The following BAZ1B variants were observed in gnomAD, a reference collection of about 807,000 sequenced individuals.
BAZ1B encodes the protein tyrosine-protein kinase BAZ1B.
A neutral mutation model predicts 153.8 loss-of-function variants in BAZ1B; 22 were observed. The observed-to-expected ratio is 0.14, with a 90% CI of 0.10 to 0.20. The LOEUF is 0.20. Ranked by LOEUF, BAZ1B falls within the 10% of genes least tolerant of loss-of-function variation. BAZ1B has a pLI of 1.00. For missense variants in BAZ1B, 1,325 were observed against 1,799.3 expected (o/e 0.74, Z 4.77); for synonymous variants, 676 against 633.4 (o/e 1.07, Z -1.01).
At chr7:73,503,589 G>A (rs1242565604) in intron 3 of BAZ1B, among the ~76,000 whole-genome samples, 1 of 152,054 alleles carries the variant, frequency 6.6e-6, no homozygotes, top group African/African-American at 2.4e-5. Context: ...TGCCCAGGCT[G>A]GTCTCAAACT....
intron 7 of BAZ1B, among the ~76,000 whole-genome samples, chr7:73,475,923 C>CAA (rs34851345): frequency 0.019 from 2,179 of 113,760 alleles, 38 homozygotes; most frequent in Middle Eastern, 0.04. Flanking sequence ...GACTCCATCT[C>CAA]AAAAAAAAAA....
At chr7:73,506,181 T>G (rs1391983939) in intron 3 of BAZ1B, among the ~76,000 whole-genome samples, 1 of 152,164 alleles carries the variant, frequency 6.6e-6, no homozygotes, top group African/African-American at 2.4e-5. Context: ...TAGTTATCCT[T>G]TAGCTATTTT....
chr7:73,449,391 C>T, intron 15 of BAZ1B, 151 bp downstream of exon 15: 1 of 874,306 alleles, frequency 1.1e-6, no homozygotes, highest in Non-Finnish European at 1.6e-6. Flanking sequence ...GTCCTTTGAG[C>T]TCCTATTGAA....
At position 73,522,263 on chromosome 7, in the gene BAZ1B, T is replaced by G; in HGVS notation, c.-330A>C. The G allele has an allele frequency of 5.4e-6, 2 of 373,600 alleles. No homozygotes were observed. Among genetic ancestry groups the G allele is most frequent in the East Asian group, 3.8e-5 (1 of 26,234 alleles). The allele number at this position is 373,600 out of a possible 1,614,324, so 23.1% of individuals were successfully genotyped here. ...ATTGAAAAATGGCGGGAGATTCCCC[T>G]CCTCCCCCGGGCCCGGCCAACGCAC... On this transcript the variant is annotated 5_prime_UTR_variant, in exon 1 of 20. Coordinates refer to ENST00000339594, the MANE Select transcript of BAZ1B (RefSeq NM_032408.4).
intron 1 of BAZ1B, among the ~76,000 whole-genome samples, chr7:73,521,524 C>G (rs755670169): frequency 2.0e-5 from 3 of 152,164 alleles, no homozygotes; most frequent in Admixed American, 1.3e-4. Flanking sequence ...AAAGCCAACC[C>G]GGGGAAGGTA....
chr7:73,465,476 T>C lies in BAZ1B; in HGVS notation c.3034A>G (p.Ile1012Val). Residue 1012 changes from isoleucine to valine, a missense_variant, in exon 11 of 20, where the codon ATA becomes GTA. By Grantham distance (29) the Ile-to-Val change is conservative. Around this residue, in one of 9 missense-constraint regions of BAZ1B, gnomAD observed 431 missense variants for 563.5 expected, o/e 0.76. Coordinates refer to ENST00000339594, the MANE Select transcript of BAZ1B (RefSeq NM_032408.4). Reference sequence around the variant, plus strand: ...CTCTCTTTAAGTTGACTTTCTCTTATTCCCTGAGGGTGAAGACAGTTTAGC... The same window carrying C: ...CTCTCTTTAAGTTGACTTTCTCTTACTCCCTGAGGGTGAAGACAGTTTAGC... ...ELLNCLHPQG[I>V]RESQLKERLE... 1 of 1,610,678 alleles carries C rather than the reference T, an allele frequency of 6.2e-7. No individual in the cohort carries two copies. The highest frequency in any genetic ancestry group is 1.7e-4 in the Middle Eastern group (1 of 6,052).
chr7:73,476,780 A>C, intron 7 of BAZ1B, 88 bp downstream of exon 7: 2 of 1,515,588 alleles, frequency 1.3e-6, no homozygotes, highest in Non-Finnish European at 1.8e-6. Context: ...TAAGTAAACA[A>C]ACAGAGACCC....
chr7:73,468,236 A>C (rs1554571481), intron 9 of BAZ1B, among the ~76,000 whole-genome samples: 1 of 152,136 alleles, frequency 6.6e-6, no homozygotes, highest in Non-Finnish European at 1.5e-5. Flanking sequence ...GGATCATTTA[A>C]CCTAGTGGTT....
intron 4 of BAZ1B, among the ~76,000 whole-genome samples, chr7:73,493,874 C>T (rs927017942): frequency 5.4e-5 from 8 of 149,152 alleles, no homozygotes; most frequent in Non-Finnish European, 8.9e-5. Flanking sequence ...AGAGAGAATA[C>T]GATATGACCT....
At chr7:73,471,532 A>T (rs570031077) in intron 7 of BAZ1B, among the ~76,000 whole-genome samples, 2 of 152,244 alleles carry the variant, frequency 1.3e-5, no homozygotes, top group African/African-American at 4.8e-5. Context: ...TTATTTTTTT[A>T]GAGATAGGGT....
chr7:73,470,571 T>A, intron 7 of BAZ1B, 88 bp from the exon 8 acceptor site: 1 of 1,404,986 alleles, frequency 7.1e-7, no homozygotes, highest in Non-Finnish European at 9.7e-7. Flanking sequence ...AAAAAGTGCC[T>A]AGTATACAGT....
At chr7:73,464,433 A>G (rs782738572) in intron 11 of BAZ1B, among the ~76,000 whole-genome samples, 1 of 152,184 alleles carries the variant, frequency 6.6e-6, no homozygotes, top group Admixed American at 6.5e-5. Flanking sequence ...TGTAATTCCA[A>G]AACATTTTCA....
chr7:73,472,364 T>TTC (rs1788837923), intron 7 of BAZ1B, among the ~76,000 whole-genome samples: 1 of 152,150 alleles, frequency 6.6e-6, no homozygotes, highest in South Asian at 2.1e-4. Context: ...GTTCAAGTGA[T>TTC]TCTCCTGCCT....
intron 4 of BAZ1B, among the ~76,000 whole-genome samples, chr7:73,493,950 A>T (rs1554576051): frequency 1.3e-5 from 2 of 152,186 alleles, no homozygotes; most frequent in Admixed American, 1.3e-4. Flanking sequence ...CAGTGAAAAA[A>T]ATTCAAAAAG....
At chr7:73,474,676 G>A (rs1788934232) in intron 7 of BAZ1B, among the ~76,000 whole-genome samples, 1 of 152,232 alleles carries the variant, frequency 6.6e-6, no homozygotes, top group Non-Finnish European at 1.5e-5. Context: ...TCGGGAGGCT[G>A]AGGCAAGAGA....
chr7:73,487,780 T>C (rs112092011), intron 6 of BAZ1B, among the ~76,000 whole-genome samples: 3 of 152,274 alleles, frequency 2.0e-5, no homozygotes, highest in Admixed American at 6.5e-5. Context: ...AGAAAAAAAT[T>C]ATAGTTCCAT....
intron 5 of BAZ1B, 109 bp downstream of exon 5, chr7:73,492,691 T>C (rs951699898): frequency 4.5e-6 from 5 of 1,113,956 alleles, no homozygotes; most frequent in East Asian, 2.4e-5. Context: ...CAGAATCTGC[T>C]GTACATTCAT....
intron 13 of BAZ1B, among the ~76,000 whole-genome samples, chr7:73,455,589 C>T (rs1262818133): frequency 6.6e-6 from 1 of 152,026 alleles, no homozygotes; most frequent in Non-Finnish European, 1.5e-5. Context: ...CAAGACCAGC[C>T]GGCCAACACA....
Position 73,477,976 on chromosome 7 carries a change from C to T in BAZ1B, c.1485G>A (p.Leu495=). ...GAGCTGTTTTGGAGATAACACAGGA[C>T]AGGGCGCTCCTCTTGTCCTCCCTGT... ...NKDREDKRSA[L]SCVISKTARL... Residue 495 remains leucine, a synonymous_variant, in exon 7 of 20, where the codon CTG becomes CTA. Coordinates refer to ENST00000339594, the MANE Select transcript of BAZ1B (RefSeq NM_032408.4). The surrounding 1 kb of genome is among the most constrained non-coding windows in gnomAD (Gnocchi z 5.6). 6.2e-7 allele frequency: 1 copy of T among 1,614,158 alleles called. No individual in the cohort carries two copies. The highest frequency in any genetic ancestry group is 8.5e-7 in the Non-Finnish European group (1 of 1,180,038).
Sources: gnomAD v4.1 joint callset for allele counts (sites outside exome capture counted in the v4.1 genomes callset) on GRCh38, gnomAD v4.1.1 for gene constraint, gnomAD v4.1.1 regional missense constraint, Gnocchi (gnomAD v3.1) non-coding constraint, MANE v1.5 for transcripts, NCBI Gene and HGNC (gene_info 2026-07-23, HGNC 2026-07-21) for gene names.